The following DYNLL1 variants were observed in gnomAD, a reference collection of about 807,000 sequenced individuals.
DYNLL1 encodes dynein light chain LC8-type 1, also known as dynein light chain 1, cytoplasmic.
In DYNLL1, 3 loss-of-function variants were observed where a neutral mutation model predicts 10.1. That is an observed-to-expected ratio of 0.30 (90% CI 0.14 to 0.77). The LOEUF (loss-of-function observed/expected upper bound fraction) is 0.77, where lower values mean the gene tolerates loss of function less well. DYNLL1 is among the 30% of genes least tolerant of loss of function. DYNLL1 has a pLI of 0.66. For synonymous variants in DYNLL1, 46 were observed against 41.2 expected (o/e 1.12, Z -0.45); for missense variants, 47 against 111.7 (o/e 0.42, Z 2.61).
intron 1 of DYNLL1, among the ~76,000 whole-genome samples, chr12:120,483,101 A>G (rs113138712): frequency 0.16 from 25,012 of 151,946 alleles, 2,676 homozygotes; most frequent in African/African-American, 0.31. Flanking sequence ...GCACTTTGGG[A>G]GTCTGAGGCG....
intron 1 of DYNLL1, among the ~76,000 whole-genome samples, chr12:120,477,149 G>C (rs1204537384): frequency 6.6e-6 from 1 of 152,028 alleles, no homozygotes; most frequent in African/African-American, 2.4e-5. Flanking sequence ...GGCTGGTCTC[G>C]AACTCCTGAC....
upstream of DYNLL1, chr12:120,491,122 G>T (rs1185965300): frequency 6.6e-6 from 1 of 152,480 alleles, no homozygotes; most frequent in Admixed American, 6.5e-5. Flanking sequence ...TCTATTCTGT[G>T]TTGCTCTGCC....
At chr12:120,486,155 T>C (rs1307514220) in intron 1 of DYNLL1, among the ~76,000 whole-genome samples, 6 of 152,254 alleles carry the variant, frequency 3.9e-5, no homozygotes, top group Non-Finnish European at 8.8e-5. Context: ...CATTACATTA[T>C]TTTACTTTAT....
At chr12:120,485,036 G>C (rs959277344) in intron 1 of DYNLL1, among the ~76,000 whole-genome samples, 15 of 152,172 alleles carry the variant, frequency 9.9e-5, no homozygotes, top group African/African-American at 3.6e-4. Flanking sequence ...CACCGCCCCT[G>C]GCCGCATGGG....
intron 1 of DYNLL1, among the ~76,000 whole-genome samples, chr12:120,478,258 C>T (rs1844019764): frequency 6.6e-6 from 1 of 151,922 alleles, no homozygotes. Context: ...CAGGCATGCG[C>T]CACCACGCCC....
At chr12:120,477,297 G>T (rs975055432) in intron 1 of DYNLL1, among the ~76,000 whole-genome samples, 1 of 152,100 alleles carries the variant, frequency 6.6e-6, no homozygotes, top group African/African-American at 2.4e-5. Flanking sequence ...TTATGTACAT[G>T]GCATCTGGGA....
intron 1 of DYNLL1, among the ~76,000 whole-genome samples, chr12:120,471,527 T>C (rs1417075342): frequency 6.6e-6 from 1 of 152,170 alleles, no homozygotes; most frequent in African/African-American, 2.4e-5. Context: ...AGTGTATATC[T>C]TTTTTGGAAT....
Position 120,496,745 on chromosome 12 carries a change from T to G in DYNLL1, c.132+192T>G, listed in dbSNP as rs1360911287. The G allele has an allele frequency of 4.2e-4, 308 of 741,510 alleles. No individual in the cohort carries two copies. In the African/African-American group the frequency reaches 4.7e-3, roughly 11 times the overall value. The allele number at this position is 741,510 out of a possible 1,614,324, so 45.9% of individuals were successfully genotyped here. A position where few individuals can be genotyped will look rare whatever the true frequency, so the allele number is the denominator to read the frequency against. On this transcript the variant is annotated intron_variant, in intron 2 of 2. Coordinates refer to ENST00000242577, the MANE Select transcript of DYNLL1 (RefSeq NM_003746.3). ...ACCAGACCCCCGGCGTCCGAAGTTT[T>G]TTTTTTTTTTTTTTTAATTACCCAG...
intron 1 of DYNLL1, among the ~76,000 whole-genome samples, chr12:120,473,651 C>T (rs780707450): frequency 8.2e-5 from 12 of 146,224 alleles, no homozygotes; most frequent in Non-Finnish European, 1.6e-4. Context: ...GCCGAGATTG[C>T]GCCACTGAAC....
intron 1 of DYNLL1, chr12:120,490,537 A>G (rs1325200512): frequency 1.3e-5 from 2 of 152,256 alleles, no homozygotes; most frequent in Non-Finnish European, 2.9e-5. Context: ...TTCATCTGCA[A>G]GTAGGCCTGC....
rs1261827235 is a variant in DYNLL1, at chr12:120,498,368, T to G, written c.*158T>G. On this transcript the variant is annotated 3_prime_UTR_variant, in exon 3 of 3. Coordinates refer to ENST00000242577, the MANE Select transcript of DYNLL1 (RefSeq NM_003746.3). ...TGTACAGGGCATTCTCTGTACTAGTTTGTCGTGGTTATAAAACAATTAGCA... is the reference window on the plus strand; with the variant it reads ...TGTACAGGGCATTCTCTGTACTAGTGTGTCGTGGTTATAAAACAATTAGCA... 1 of 799,014 alleles carries G rather than the reference T, an allele frequency of 1.3e-6. No individual in the cohort carries two copies. The highest frequency in any genetic ancestry group is 1.8e-6 in the Non-Finnish European group (1 of 546,566). The allele number at this position is 799,014 out of a possible 1,614,324, so 49.5% of individuals were successfully genotyped here.
intron 1 of DYNLL1, among the ~76,000 whole-genome samples, chr12:120,475,666 T>C (rs1180858160): frequency 6.6e-6 from 1 of 152,130 alleles, no homozygotes; most frequent in African/African-American, 2.4e-5. Context: ...CTTCTTAAAT[T>C]ATATTTAACA....
intron 1 of DYNLL1, among the ~76,000 whole-genome samples, chr12:120,487,571 T>A (rs1879026167): frequency 6.6e-6 from 1 of 152,094 alleles, no homozygotes; most frequent in East Asian, 1.9e-4. Flanking sequence ...CCCAGCTGAC[T>A]CAACGTCCAA....
chr12:120,479,465 AAAAAATAAT>A (rs1464001477), intron 1 of DYNLL1, among the ~76,000 whole-genome samples: 287 of 125,014 alleles, frequency 2.3e-3, no homozygotes, highest in Admixed American at 3.9e-3. Flanking sequence ...AAAAAAAAAA[AAAAAATAAT>A]AATAATAATA....
intron 1 of DYNLL1, among the ~76,000 whole-genome samples, chr12:120,479,465 A>AT (rs1481700249): frequency 0.012 from 1,437 of 124,874 alleles, 21 homozygotes; most frequent in African/African-American, 0.039. Flanking sequence ...AAAAAAAAAA[A>AT]AAAAATAATA....
chr12:120,482,132 A>G (rs1878892400), intron 1 of DYNLL1, among the ~76,000 whole-genome samples: 1 of 152,188 alleles, frequency 6.6e-6, no homozygotes, highest in Non-Finnish European at 1.5e-5. Context: ...TAAAATTTAC[A>G]GAGAAGCCAG....
intron 1 of DYNLL1, among the ~76,000 whole-genome samples, chr12:120,479,449 C>CAA (rs71076617): frequency 0.036 from 2,742 of 75,698 alleles, 33 homozygotes; most frequent in Non-Finnish European, 0.051. Context: ...ACTCCGTCTC[C>CAA]AAAAAAAAAA....
At chr12:120,472,187 AT>A (rs1878666069) in intron 1 of DYNLL1, among the ~76,000 whole-genome samples, 1 of 152,038 alleles carries the variant, frequency 6.6e-6, no homozygotes, top group Admixed American at 6.6e-5. Context: ...CAAAAAAAAA[AT>A]AGAAAAAGCT....
At position 120,496,159 on chromosome 12, in the gene DYNLL1, A is replaced by G; in HGVS notation, c.-64A>G. On this transcript the variant is annotated 5_prime_UTR_variant, in exon 1 of 3. The change abolishes the stop of an existing upstream ORF in the 5' untranslated region. Coordinates refer to ENST00000242577, the MANE Select transcript of DYNLL1 (RefSeq NM_003746.3). ...GCGACGGTATCTCTAGCCGGGCCTG[A>G]GCTGTGCTAGCACCTCCCCCAGGAG... is the stretch of plus-strand genomic sequence containing the variant. 1.7e-6 allele frequency: 1 copy of G among 581,056 alleles called. No homozygotes were observed. The highest frequency in any genetic ancestry group is 3.1e-6 in the Non-Finnish European group (1 of 327,818). The allele number at this position is 581,056 out of a possible 1,614,324, so 36.0% of individuals were successfully genotyped here.
Sources: gnomAD v4.1 joint callset for allele counts (sites outside exome capture counted in the v4.1 genomes callset) on GRCh38, gnomAD v4.1.1 for gene constraint, MANE v1.5 for transcripts, NCBI Gene and HGNC (gene_info 2026-07-23, HGNC 2026-07-21) for gene names.